Variants in USH2A observed in about 807,000 individuals in gnomAD.
The protein encoded by USH2A is usherin.
A neutral mutation model predicts 538.9 loss-of-function variants in USH2A; 443 were observed. The observed-to-expected ratio is 0.82, with a 90% CI of 0.76 to 0.89. The LOEUF is 0.89. USH2A is among the 40% of genes least tolerant of loss of function. USH2A has a pLI of 0.00. For synonymous variants in USH2A, 2,413 were observed against 2,273.5 expected (o/e 1.06, Z -1.75); for missense variants, 6,633 against 6,324.8 (o/e 1.05, Z -1.65).
At chr1:216,292,061 G>T (rs1334314739) in intron 10 of USH2A, 114 bp downstream of exon 10, 1 of 1,221,994 alleles carries the variant, frequency 8.2e-7, no homozygotes, top group African/African-American at 1.5e-5. Context: ...CAAACTTAAA[G>T]GTATGAAAGT....
At chr1:215,716,439 C>T (rs1179497443) in intron 61 of USH2A, among the ~76,000 whole-genome samples, 2 of 152,166 alleles carry the variant, frequency 1.3e-5, no homozygotes, top group Non-Finnish European at 1.5e-5. Flanking sequence ...GATCAATAAC[C>T]ATCCTAAAAA....
At chr1:215,712,495 G>A (rs1237156615) in intron 61 of USH2A, among the ~76,000 whole-genome samples, 2 of 152,212 alleles carry the variant, frequency 1.3e-5, no homozygotes, top group Admixed American at 1.3e-4. Flanking sequence ...AGCTTGGGCT[G>A]TGATTCATTG....
chr1:216,416,445 C>A (rs934857297), intron 3 of USH2A, among the ~76,000 whole-genome samples: 3 of 152,034 alleles, frequency 2.0e-5, no homozygotes, highest in Admixed American at 6.6e-5. Context: ...TAGTTTAAAA[C>A]TTATGCAAAA....
intron 3 of USH2A, among the ~76,000 whole-genome samples, chr1:216,375,680 G>A (rs1436661092): frequency 6.6e-6 from 1 of 152,042 alleles, no homozygotes; most frequent in African/African-American, 2.4e-5. Flanking sequence ...TTTCCCTCAA[G>A]AAATTTTCCT....
intron 61 of USH2A, among the ~76,000 whole-genome samples, chr1:215,724,172 T>C (rs1659743146): frequency 6.6e-6 from 1 of 151,794 alleles, no homozygotes; most frequent in South Asian, 2.1e-4. Context: ...GGAATAATTT[T>C]ACACACCATA....
intron 44 of USH2A, among the ~76,000 whole-genome samples, chr1:215,861,520 T>C (rs1219786196): frequency 1.3e-5 from 2 of 152,128 alleles, no homozygotes; most frequent in East Asian, 1.9e-4. Context: ...AACTTTCTCT[T>C]ATGGGGATTT....
At chr1:216,228,275 T>G (rs983345437) in intron 14 of USH2A, among the ~76,000 whole-genome samples, 1 of 152,080 alleles carries the variant, frequency 6.6e-6, no homozygotes. Context: ...GCCAAAGAAC[T>G]GCATCAGTAC....
chr1:215,863,712 T>C (rs1664390509), intron 44 of USH2A, among the ~76,000 whole-genome samples: 1 of 152,070 alleles, frequency 6.6e-6, no homozygotes, highest in African/African-American at 2.4e-5. Context: ...TGGTCCCTTA[T>C]GGCTGTAATT....
At chr1:215,765,334 T>C (rs1015675291) in intron 56 of USH2A, among the ~76,000 whole-genome samples, 1 of 152,120 alleles carries the variant, frequency 6.6e-6, no homozygotes, top group East Asian at 1.9e-4. Flanking sequence ...GAAAACATCA[T>C]TAGTGAATTC....
chr1:215,907,759 G>C (rs1179373583), intron 38 of USH2A, among the ~76,000 whole-genome samples: 1 of 151,986 alleles, frequency 6.6e-6, no homozygotes, highest in African/African-American at 2.4e-5. Flanking sequence ...AAGGAGAAAA[G>C]TAATTAAAGA....
rs921352389 is a variant in USH2A, at chr1:215,799,224, A to G, written c.9740-99T>C. On this transcript the variant is annotated intron_variant, in intron 49 of 71. Coordinates refer to ENST00000307340, the MANE Select transcript of USH2A (RefSeq NM_206933.4). ...ACAATCATCTTGCAGATCCCAACTG[A>G]TTGACAGAATTACTAAAGAGAATAA... 4.6e-6 allele frequency: 6 copies of G among 1,300,310 alleles called. No individual in the cohort carries two copies. In the Admixed American group the frequency reaches 5.9e-5, roughly 13 times the overall value. The allele number at this position is 1,300,310 out of a possible 1,614,324, so 80.5% of individuals were successfully genotyped here.
intron 61 of USH2A, among the ~76,000 whole-genome samples, chr1:215,722,041 T>A (rs1659678155): frequency 6.7e-6 from 1 of 148,576 alleles, no homozygotes; most frequent in Admixed American, 6.8e-5. Context: ...CTGCAGCCTG[T>A]GTGACAGAGC....
intron 37 of USH2A, among the ~76,000 whole-genome samples, chr1:215,941,155 C>T (rs541258817): frequency 6.6e-6 from 1 of 151,846 alleles, no homozygotes; most frequent in Non-Finnish European, 1.5e-5. Flanking sequence ...AAAGGATAGA[C>T]AAAAATCTCT....
rs2036064076 is a variant in USH2A at position 216,247,008 on chromosome 1, C to T, written c.2386G>A (p.Asp796Asn). ...GGGAGGGATCCAGCTGTGTCACAGT[C>T]ACAGGCCTTACAATTGGTGACATCT... Reference protein sequence around the residue: ...GLDVTNCKACDCDTAGSLPGT... With the variant: ...GLDVTNCKACNCDTAGSLPGT... The change falls in exon 13 of 72, where the codon GAC becomes AAC. Residue 796 changes from aspartate to asparagine, a missense_variant. Physicochemically the swap from Asp to Asn is conservative, Grantham distance 23. Coordinates refer to ENST00000307340, the MANE Select transcript of USH2A (RefSeq NM_206933.4). The T allele has an allele frequency of 6.2e-7, 1 of 1,613,920 alleles. No homozygotes were observed. Among genetic ancestry groups the T allele is most frequent in the Admixed American group, 1.7e-5 (1 of 59,970 alleles).
intron 38 of USH2A, among the ~76,000 whole-genome samples, chr1:215,918,662 G>A (rs146231954): frequency 6.6e-6 from 1 of 152,160 alleles, no homozygotes; most frequent in African/African-American, 2.4e-5. Flanking sequence ...CTATTAGTAA[G>A]AATAAAACAA....
At position 216,146,040 on chromosome 1, in the gene USH2A, G is replaced by C. The variant is rs185431495; in HGVS notation, c.4627+29212C>G. ...AGCCTGTTTGGTGGTCTCTTCACAC[G>C]GACGCGCATGAAATTTGGTGCTGTG... On this transcript the variant is annotated intron_variant, in intron 21 of 71. Transcript: ENST00000307340. Among the ~76,000 whole-genome samples the C allele has an allele frequency of 5.4e-4, 82 of 152,256 alleles. No individual in the cohort carries two copies. In the East Asian group the frequency reaches 0.015, roughly 28 times the overall value.
intron 20 of USH2A, among the ~76,000 whole-genome samples, chr1:216,188,316 C>G (rs1009086684): frequency 2.0e-5 from 3 of 151,810 alleles, no homozygotes; most frequent in African/African-American, 7.3e-5. Flanking sequence ...TCTCCATGAT[C>G]CAGCTAGTTT....
At chr1:216,239,441 A>G (rs2035892426) in intron 13 of USH2A, among the ~76,000 whole-genome samples, 1 of 152,194 alleles carries the variant, frequency 6.6e-6, no homozygotes, top group Admixed American at 6.6e-5. Flanking sequence ...ACTGCTATGG[A>G]GGTACTTTTA....
intron 37 of USH2A, among the ~76,000 whole-genome samples, chr1:215,962,191 C>G (rs968411435): frequency 6.6e-6 from 1 of 152,010 alleles, no homozygotes; most frequent in African/African-American, 2.4e-5. Context: ...GGGAGACAGG[C>G]ACCCTCATAC....
Sources: gnomAD v4.1 joint callset for allele counts (sites outside exome capture counted in the v4.1 genomes callset) on GRCh38, gnomAD v4.1.1 for gene constraint, MANE v1.5 for transcripts, NCBI Gene and HGNC (gene_info 2026-07-23, HGNC 2026-07-21) for gene names.